The following AOAH variants were observed in gnomAD, a reference collection of about 807,000 sequenced individuals.
AOAH encodes the protein acyloxyacyl hydrolase.
Under a neutral mutation model 92.2 loss-of-function variants are expected in AOAH, and 64 were observed. That is an observed-to-expected ratio of 0.69 (90% CI 0.57 to 0.86). The LOEUF (loss-of-function observed/expected upper bound fraction) is 0.86, where lower values mean the gene tolerates loss of function less well. Among genes scored for constraint, AOAH ranks in the 40% least tolerant of loss-of-function variants. AOAH has a pLI of 0.00. For synonymous variants in AOAH, 263 were observed against 254.5 expected, an observed-to-expected ratio of 1.03 and a Z score of -0.32; for missense variants, 656 against 694.6, an observed-to-expected ratio of 0.94 and a Z score of 0.62.
At chr7:36,630,726 C>G (rs549838216) in intron 6 of AOAH, among the ~76,000 whole-genome samples, 18 of 152,218 alleles carry the variant, frequency 1.2e-4, no homozygotes, top group African/African-American at 4.3e-4. Context: ...GAAGCTGAGG[C>G]TCAGAGGCTC....
chr7:36,535,044 G>C (rs1324183337), intron 16 of AOAH, among the ~76,000 whole-genome samples: 10 of 96,756 alleles, frequency 1.0e-4, no homozygotes, highest in South Asian at 7.3e-4. Context: ...GTCTGTGTGT[G>C]TGTATGTGTC....
intron 2 of AOAH, among the ~76,000 whole-genome samples, chr7:36,686,013 G>C (rs1796982979): frequency 6.6e-6 from 1 of 151,958 alleles, no homozygotes; most frequent in South Asian, 2.1e-4. Flanking sequence ...AGATGAATTA[G>C]TTCCCATTAA....
At chr7:36,553,920 C>T (rs1786479014) in intron 13 of AOAH, among the ~76,000 whole-genome samples, 2 of 152,068 alleles carry the variant, frequency 1.3e-5, no homozygotes, top group South Asian at 4.1e-4. Context: ...AAATTTTCTC[C>T]CATTTTGTAG....
At chr7:36,676,152 G>T (rs1419226616) in intron 2 of AOAH, among the ~76,000 whole-genome samples, 1 of 152,180 alleles carries the variant, frequency 6.6e-6, no homozygotes, top group Non-Finnish European at 1.5e-5. Flanking sequence ...AAAGCATTCA[G>T]ATTGGAAAGT....
Position 36,513,013 on chromosome 7 carries a change from C to G in AOAH, c.*239G>C. 2.0e-6 allele frequency: 3 copies of G among 1,524,826 alleles called. No individual in the cohort carries two copies. The highest frequency in any genetic ancestry group is 2.6e-6 in the Non-Finnish European group (3 of 1,137,968). 94.5% of individuals were successfully genotyped at this position (1,524,826 alleles called of 1,614,324 possible). ...ATACTCTCTTGTTTGGAATGGCACC[C>G]AAAGCACTTTATGAAAGGTTATTTC... On this transcript the variant is annotated 3_prime_UTR_variant, in exon 21 of 21. Coordinates refer to ENST00000617537, the MANE Select transcript of AOAH (RefSeq NM_001637.4).
intron 2 of AOAH, among the ~76,000 whole-genome samples, chr7:36,678,278 C>A (rs1796385811): frequency 1.3e-5 from 2 of 152,128 alleles, no homozygotes; most frequent in African/African-American, 4.8e-5. Flanking sequence ...GAAATTGCCT[C>A]CCCTTTCTGG....
intron 18 of AOAH, among the ~76,000 whole-genome samples, chr7:36,531,234 G>A (rs1278165186): frequency 6.6e-6 from 1 of 152,126 alleles, no homozygotes; most frequent in African/African-American, 2.4e-5. Context: ...TTTGGGTGGT[G>A]GAATTTTGCG....
intron 4 of AOAH, 63 bp from the exon 5 acceptor site, chr7:36,637,973 C>A: frequency 7.4e-7 from 1 of 1,350,714 alleles, no homozygotes; most frequent in South Asian, 1.2e-5. Flanking sequence ...TACATCTTTT[C>A]TAAAATTAGG....
chr7:36,608,262 C>G (rs1308464662), intron 11 of AOAH, among the ~76,000 whole-genome samples: 1 of 152,212 alleles, frequency 6.6e-6, no homozygotes, highest in Non-Finnish European at 1.5e-5. Flanking sequence ...CTTACCTTCC[C>G]CGACAGGGAA....
intron 13 of AOAH, among the ~76,000 whole-genome samples, chr7:36,558,920 G>C (rs1787035807): frequency 6.6e-6 from 1 of 152,262 alleles, no homozygotes; most frequent in African/African-American, 2.4e-5. Flanking sequence ...TTGACCCCTT[G>C]CACTTCCCGA....
intron 19 of AOAH, among the ~76,000 whole-genome samples, chr7:36,526,534 T>A (rs1044553451): frequency 6.6e-6 from 1 of 152,270 alleles, no homozygotes; most frequent in Non-Finnish European, 1.5e-5. Flanking sequence ...CATTCAAAGA[T>A]AACATGGTAA....
intron 13 of AOAH, among the ~76,000 whole-genome samples, chr7:36,551,300 C>T (rs569440886): frequency 1.3e-5 from 2 of 152,198 alleles, no homozygotes; most frequent in African/African-American, 4.8e-5. Flanking sequence ...TGTCGAACTC[C>T]TGACCTCATG....
intron 11 of AOAH, among the ~76,000 whole-genome samples, chr7:36,594,913 G>A (rs370404318): frequency 1.3e-4 from 20 of 152,210 alleles, no homozygotes; most frequent in Non-Finnish European, 2.5e-4. Context: ...AGACATTTTT[G>A]AGAATCTAAT....
intron 3 of AOAH, among the ~76,000 whole-genome samples, chr7:36,661,999 C>A (rs1332845100): frequency 6.6e-6 from 1 of 152,198 alleles, no homozygotes; most frequent in Non-Finnish European, 1.5e-5. Context: ...TGCTAAACAT[C>A]AAAATATCCT....
intron 1 of AOAH, among the ~76,000 whole-genome samples, chr7:36,687,981 C>T (rs548062127): frequency 1.1e-4 from 17 of 152,262 alleles, no homozygotes; most frequent in African/African-American, 3.4e-4. Flanking sequence ...GTTTTGGCCT[C>T]GATGTTCTGT....
intron 10 of AOAH, among the ~76,000 whole-genome samples, chr7:36,617,697 T>C (rs1476300267): frequency 6.6e-6 from 1 of 152,236 alleles, no homozygotes; most frequent in Non-Finnish European, 1.5e-5. Context: ...ACCAGGAGCA[T>C]ATTTTCAGTA....
chr7:36,537,613 G>C (rs919660757), intron 16 of AOAH, among the ~76,000 whole-genome samples: 3 of 151,158 alleles, frequency 2.0e-5, no homozygotes, highest in African/African-American at 4.8e-5. Context: ...CCGCCTCCCG[G>C]GTTCAAGCGA....
intron 16 of AOAH, among the ~76,000 whole-genome samples, chr7:36,534,228 C>T (rs1480908983): frequency 6.6e-6 from 1 of 152,238 alleles, no homozygotes; most frequent in Non-Finnish European, 1.5e-5. Context: ...ATGCCCTCTC[C>T]TGCTGTCCTT....
intron 6 of AOAH, among the ~76,000 whole-genome samples, chr7:36,623,966 A>G (rs1317609884): frequency 6.6e-6 from 1 of 152,206 alleles, no homozygotes; most frequent in Non-Finnish European, 1.5e-5. Context: ...GCCGATTCAC[A>G]CTTCAGCTAT....
Sources: allele counts gnomAD v4.1 joint callset (sites outside exome capture counted in the v4.1 genomes callset), GRCh38; gene constraint gnomAD v4.1.1; transcripts MANE v1.5; gene names NCBI Gene and HGNC (gene_info 2026-07-23, HGNC 2026-07-21).